The following SOX6 variants were observed in gnomAD, a reference collection of about 807,000 sequenced individuals.
The protein encoded by SOX6 is transcription factor SOX-6.
A neutral mutation model predicts 97.8 loss-of-function variants in SOX6; 11 were observed. That is an observed-to-expected ratio of 0.11 (90% confidence interval 0.07 to 0.19). The LOEUF is 0.19. Ranked by LOEUF, SOX6 falls within the 10% of genes least tolerant of loss-of-function variation. The pLI, the probability that SOX6 is intolerant of heterozygous loss-of-function variation, is 1.00. For synonymous variants in SOX6, 360 were observed against 371.4 expected (o/e 0.97, Z 0.35); for missense variants, 810 against 1,039.5 (o/e 0.78, Z 3.04).
At chr11:16,520,747 C>T (rs1380895222) in intron 4 of SOX6, among the ~76,000 whole-genome samples, 2 of 152,214 alleles carry the variant, frequency 1.3e-5, no homozygotes, top group African/African-American at 4.8e-5. Context: ...TGATGGACGG[C>T]ACCTGGAAAA....
chr11:16,681,289 C>T (rs1235994907), intron 3 of SOX6, among the ~76,000 whole-genome samples: 1 of 152,164 alleles, frequency 6.6e-6, no homozygotes, highest in Non-Finnish European at 1.5e-5. Context: ...CAAATGAGAA[C>T]TCAGGATTAA....
intron 13 of SOX6, among the ~76,000 whole-genome samples, chr11:15,993,136 C>A (rs951877996): frequency 2.0e-5 from 3 of 152,058 alleles, no homozygotes; most frequent in African/African-American, 7.2e-5. Context: ...AATTATATAT[C>A]TGGAAAACCC....
chr11:16,023,645 T>C (rs1246501300), intron 12 of SOX6, among the ~76,000 whole-genome samples: 1 of 152,044 alleles, frequency 6.6e-6, no homozygotes, highest in Non-Finnish European at 1.5e-5. Flanking sequence ...CTGAACCATC[T>C]CCACAAAAAA....
intron 1 of SOX6, among the ~76,000 whole-genome samples, chr11:16,344,977 T>A (rs2134347399): frequency 6.6e-6 from 1 of 152,130 alleles, no homozygotes; most frequent in Middle Eastern, 3.4e-3. Context: ...CATGGGATTT[T>A]TCTTTACTGT....
At chr11:16,336,756 G>T (rs1260728213) in intron 2 of SOX6, among the ~76,000 whole-genome samples, 1 of 152,054 alleles carries the variant, frequency 6.6e-6, no homozygotes, top group African/African-American at 2.4e-5. Context: ...CAGCCTCCCT[G>T]ATTTCATTTC....
At chr11:16,730,243 G>C (rs529637957) in intron 2 of SOX6, among the ~76,000 whole-genome samples, 1 of 151,946 alleles carries the variant, frequency 6.6e-6, no homozygotes, top group Non-Finnish European at 1.5e-5. Flanking sequence ...GGATCAAGCC[G>C]ACCTAATGGA....
chr11:16,057,704 G>T (rs1847853785), intron 9 of SOX6, among the ~76,000 whole-genome samples: 1 of 152,132 alleles, frequency 6.6e-6, no homozygotes, highest in Non-Finnish European at 1.5e-5. Flanking sequence ...TGAGAAAGGT[G>T]AATGTGAGAT....
At chr11:16,208,165 A>C (rs1852123196) in intron 4 of SOX6, among the ~76,000 whole-genome samples, 1 of 152,196 alleles carries the variant, frequency 6.6e-6, no homozygotes, top group Non-Finnish European at 1.5e-5. Flanking sequence ...AGACTTTTTA[A>C]AAATAAATAA....
At chr11:16,216,436 A>G (rs968144480) in intron 4 of SOX6, among the ~76,000 whole-genome samples, 1 of 152,050 alleles carries the variant, frequency 6.6e-6, no homozygotes, top group African/African-American at 2.4e-5. Context: ...TGGTTCTGAG[A>G]TTAATGTTCC....
chr11:16,002,819 A>G (rs1354515288), intron 13 of SOX6, among the ~76,000 whole-genome samples: 2 of 152,092 alleles, frequency 1.3e-5, no homozygotes, highest in African/African-American at 4.8e-5. Flanking sequence ...CCTGTCATAG[A>G]CTCTACATGA....
chr11:16,345,708 C>G (rs773343472), intron 1 of SOX6, among the ~76,000 whole-genome samples: 1 of 151,996 alleles, frequency 6.6e-6, no homozygotes, highest in African/African-American at 2.4e-5. Flanking sequence ...CTCAGAATAT[C>G]ATATTTTCTA....
chr11:16,461,877 T>C (rs902505298), intron 1 of SOX6, among the ~76,000 whole-genome samples: 15 of 152,180 alleles, frequency 9.9e-5, no homozygotes, highest in African/African-American at 3.4e-4. Flanking sequence ...ACTTAGACAC[T>C]AGCGACACAA....
intron 3 of SOX6, among the ~76,000 whole-genome samples, chr11:16,708,035 G>T (rs1848150603): frequency 1.3e-5 from 2 of 152,098 alleles, no homozygotes; most frequent in Admixed American, 6.5e-5. Context: ...TGAGACCAAG[G>T]TATTTCCAAC....
intron 14 of SOX6, among the ~76,000 whole-genome samples, chr11:15,986,765 C>A (rs1301953330): frequency 1.3e-5 from 2 of 152,198 alleles, no homozygotes; most frequent in Non-Finnish European, 2.9e-5. Flanking sequence ...CCTAAGCATA[C>A]TTTTGAGCAT....
At chr11:16,325,214 A>C (rs750118566) in intron 2 of SOX6, among the ~76,000 whole-genome samples, 3 of 152,134 alleles carry the variant, frequency 2.0e-5, no homozygotes, top group African/African-American at 7.2e-5. Context: ...GAAGTCATAG[A>C]AATAATTTAT....
At chr11:16,662,679 A>C (rs1847774824) in intron 3 of SOX6, among the ~76,000 whole-genome samples, 1 of 152,228 alleles carries the variant, frequency 6.6e-6, no homozygotes. Flanking sequence ...CAAAATTCAA[A>C]AGAAATTAAT....
At chr11:16,256,915 C>T (rs906433876) in intron 3 of SOX6, among the ~76,000 whole-genome samples, 23 of 151,620 alleles carry the variant, frequency 1.5e-4, no homozygotes, top group African/African-American at 4.8e-4. Flanking sequence ...TATTTATTAG[C>T]AAAGACCAAG....
chr11:16,402,285 G>A lies in SOX6; in HGVS notation c.-4-61033C>T, dbSNP rs1167940127. Among the ~76,000 whole-genome samples the A allele has an allele frequency of 2.0e-5, 3 of 151,776 alleles. No homozygotes were observed. In the East Asian group the frequency reaches 5.8e-4, roughly 29 times the overall value. ...AAACAGTTTCCTGTAAACTTTCAGT[G>A]ATGGAACTCATAGAATTTATGATAA... On this transcript the variant is annotated intron_variant, in intron 1 of 15. Transcript: ENST00000396356.
chr11:16,573,898 C>T (rs978967526), intron 4 of SOX6, among the ~76,000 whole-genome samples: 3 of 152,088 alleles, frequency 2.0e-5, no homozygotes, highest in Non-Finnish European at 4.4e-5. Context: ...TTTGACTTCT[C>T]TGTTACTACT....
Sources: allele counts gnomAD v4.1 joint callset (sites outside exome capture counted in the v4.1 genomes callset), GRCh38; gene constraint gnomAD v4.1.1; transcripts MANE v1.5; gene names NCBI Gene and HGNC (gene_info 2026-07-23, HGNC 2026-07-21).